The following TBCA variants were observed in gnomAD, a reference collection of about 807,000 sequenced individuals.
The protein encoded by TBCA is tubulin folding cofactor A.
A neutral mutation model predicts 15.8 loss-of-function variants in TBCA; 6 were observed. That is an observed-to-expected ratio of 0.38 (90% CI 0.21 to 0.75). The LOEUF (loss-of-function observed/expected upper bound fraction) is 0.75. Ranked by LOEUF, TBCA falls within the 30% of genes least tolerant of loss-of-function variation. TBCA has a pLI of 0.46. For missense variants in TBCA, 90 were observed against 131.2 expected (o/e 0.69, Z 1.53); for synonymous variants, 32 against 42.3 (o/e 0.76, Z 0.94).
At chr5:77,708,548 G>GT (rs1250282461) in intron 1 of TBCA, 10 of 361,356 alleles carry the variant, frequency 2.8e-5, no homozygotes, top group Non-Finnish European at 5.0e-5. Flanking sequence ...CCTGCCTAAC[G>GT]TAAGTGCAAT....
chr5:77,756,052 G>A (rs1035333762), intron 1 of TBCA, among the ~76,000 whole-genome samples: 3 of 152,174 alleles, frequency 2.0e-5, no homozygotes, highest in African/African-American at 7.2e-5. Context: ...GTTGCCCAAG[G>A]GGGGTCGTTC....
At chr5:77,700,641 A>AAC (rs2112428189) in intron 2 of TBCA, among the ~76,000 whole-genome samples, 1 of 152,376 alleles carries the variant, frequency 6.6e-6, no homozygotes, top group South Asian at 2.1e-4. Flanking sequence ...ACCACTCTGG[A>AAC]AAAGAGTTTG....
chr5:77,768,314 T>C (rs1223924716), intron 1 of TBCA, among the ~76,000 whole-genome samples: 1 of 151,774 alleles, frequency 6.6e-6, no homozygotes, highest in Non-Finnish European at 1.5e-5. Context: ...ATCCTAACAA[T>C]ACAAAAAAAA....
At chr5:77,698,246 C>G (rs1745918654) in intron 2 of TBCA, among the ~76,000 whole-genome samples, 1 of 149,138 alleles carries the variant, frequency 6.7e-6, no homozygotes. Flanking sequence ...TCACCAAAAG[C>G]AGTCCGAAAT....
intron 1 of TBCA, among the ~76,000 whole-genome samples, chr5:77,733,481 T>A (rs768216557): frequency 1.5e-4 from 23 of 152,186 alleles, no homozygotes; most frequent in Non-Finnish European, 2.9e-4. Flanking sequence ...CTTGCTGACA[T>A]GGAGAAAGTT....
intron 1 of TBCA, among the ~76,000 whole-genome samples, chr5:77,728,545 T>G (rs1334422564): frequency 6.6e-6 from 1 of 152,062 alleles, no homozygotes; most frequent in East Asian, 1.9e-4. Flanking sequence ...GTAGAGTACA[T>G]AAACCTCAAC....
intron 2 of TBCA, among the ~76,000 whole-genome samples, chr5:77,699,932 G>A (rs1745968281): frequency 6.6e-6 from 1 of 151,520 alleles, no homozygotes; most frequent in African/African-American, 2.4e-5. Flanking sequence ...CAGCTACTAG[G>A]GAGGCTGAGG....
chr5:77,755,378 A>T (rs1317735383), intron 1 of TBCA, among the ~76,000 whole-genome samples: 1 of 151,982 alleles, frequency 6.6e-6, no homozygotes, highest in African/African-American at 2.4e-5. Flanking sequence ...GGAGCTCAAG[A>T]CCAGCCTGAC....
intron 2 of TBCA, among the ~76,000 whole-genome samples, chr5:77,700,989 T>G (rs1745998750): frequency 6.6e-6 from 1 of 152,158 alleles, no homozygotes; most frequent in Non-Finnish European, 1.5e-5. Flanking sequence ...GTAAAAACCC[T>G]TCTAGACATT....
At chr5:77,767,323 C>T (rs1458044190) in intron 1 of TBCA, among the ~76,000 whole-genome samples, 1 of 152,138 alleles carries the variant, frequency 6.6e-6, no homozygotes, top group Non-Finnish European at 1.5e-5. Flanking sequence ...AACTCCGTAA[C>T]TTACTTGTGG....
At chr5:77,762,350 A>T (rs558385984) in intron 1 of TBCA, among the ~76,000 whole-genome samples, 2 of 152,334 alleles carry the variant, frequency 1.3e-5, no homozygotes, top group African/African-American at 4.8e-5. Flanking sequence ...TAAAAAGATT[A>T]ATACGTAGAA....
At chr5:77,761,672 G>A (rs254378) in intron 1 of TBCA, among the ~76,000 whole-genome samples, 34,601 of 149,864 alleles carry the variant, frequency 0.23, 4,668 homozygotes, top group Non-Finnish European at 0.31. Flanking sequence ...CAAGTAACAC[G>A]TTTTCAATTC....
chr5:77,762,032 T>A (rs1188294414), intron 1 of TBCA, among the ~76,000 whole-genome samples: 5 of 152,212 alleles, frequency 3.3e-5, no homozygotes, highest in African/African-American at 1.2e-4. Context: ...ATAAGTCTAA[T>A]AGGCCCCCAC....
At chr5:77,770,759 C>G (rs1331746744) in intron 1 of TBCA, among the ~76,000 whole-genome samples, 1 of 151,850 alleles carries the variant, frequency 6.6e-6, no homozygotes, top group East Asian at 1.9e-4. Flanking sequence ...AAAGAGCCAG[C>G]TACACCCAAA....
intron 1 of TBCA, among the ~76,000 whole-genome samples, chr5:77,768,474 A>G (rs1255565973): frequency 1.3e-5 from 2 of 152,198 alleles, no homozygotes; most frequent in Middle Eastern, 3.2e-3. Flanking sequence ...ATAAATAACT[A>G]TTCTGCAATT....
intron 1 of TBCA, among the ~76,000 whole-genome samples, chr5:77,745,137 C>T (rs1463029235): frequency 6.6e-6 from 1 of 152,068 alleles, no homozygotes; most frequent in Non-Finnish European, 1.5e-5. Context: ...GGTGTTGTTC[C>T]CATGCCTTTT....
intron 1 of TBCA, among the ~76,000 whole-genome samples, chr5:77,714,614 T>A (rs1196167152): frequency 6.6e-6 from 1 of 150,926 alleles, no homozygotes; most frequent in African/African-American, 2.4e-5. Flanking sequence ...TCGCCCAAGC[T>A]GGAGTGCAGT....
chr5:77,769,973 T>A (rs917457734), intron 1 of TBCA, among the ~76,000 whole-genome samples: 1 of 152,226 alleles, frequency 6.6e-6, no homozygotes, highest in South Asian at 2.1e-4. Context: ...TATAAAAAGA[T>A]ATATTTAAGA....
intron 1 of TBCA, among the ~76,000 whole-genome samples, chr5:77,736,056 C>A (rs911425983): frequency 6.6e-6 from 1 of 152,044 alleles, no homozygotes; most frequent in African/African-American, 2.4e-5. Context: ...AGCTGGAGGC[C>A]GGGTGCGGTG....
Sources: allele counts gnomAD v4.1 joint callset (sites outside exome capture counted in the v4.1 genomes callset), GRCh38; gene constraint gnomAD v4.1.1; transcripts MANE v1.5; gene names NCBI Gene and HGNC (gene_info 2026-07-23, HGNC 2026-07-21).